NF1: variants seen among roughly 807,000 people sequenced by gnomAD.
NF1 encodes neurofibromin.
In NF1, 122 loss-of-function variants were observed where a neutral mutation model predicts 325.7. That is an observed-to-expected ratio of 0.37 (90% CI 0.32 to 0.44). The LOEUF (loss-of-function observed/expected upper bound fraction) is 0.44, where lower values mean the gene tolerates loss of function less well. Ranked by LOEUF, NF1 falls within the 20% of genes least tolerant of loss-of-function variation. The pLI, the probability that NF1 is intolerant of heterozygous loss-of-function variation, is 1.00. For missense variants in NF1, 2,140 were observed against 3,415.4 expected, an observed-to-expected ratio of 0.63 and a Z score of 9.31; for synonymous variants, 1,091 against 1,186.0, an observed-to-expected ratio of 0.92 and a Z score of 1.65.
intron 34 of NF1, among the ~76,000 whole-genome samples, 176 bp from the exon 35 acceptor site, chr17:31,261,535 T>A (rs1047178653): frequency 2.6e-5 from 4 of 152,202 alleles, no homozygotes; most frequent in African/African-American, 4.8e-5. Context: ...TGACAGGGCA[T>A]TTTAATCTTT....
chr17:31,338,704 G>A lies in NF1; in HGVS notation c.6820G>A (p.Ala2274Thr), dbSNP rs1555535023. ...ATAAAAAATTCTGTTTTCCTAAAAG[G>A]CACTTGAGAGTTGCTTAAAAGGACC... is the stretch of plus-strand genomic sequence containing the variant. The part of the protein sequence containing the change: ...IKQIIRILSK[A>T]LESCLKGPDT... The change falls in exon 46 of 58, where the codon GCA (alanine) becomes ACA (threonine). Residue 2274 changes from alanine (A) to threonine (T), a missense_variant and splice_region_variant. Physicochemically the swap from Ala to Thr is moderately conservative, Grantham distance 58 (BLOSUM62 0). Transcript: ENST00000358273. 6.2e-7 allele frequency: 1 copy of A among 1,608,744 alleles called. No homozygotes were observed. Among genetic ancestry groups the A allele is most frequent in the South Asian group, 1.1e-5 (1 of 90,926 alleles).
chr17:31,178,839 A>G (rs2066072812), intron 5 of NF1, among the ~76,000 whole-genome samples: 1 of 152,218 alleles, frequency 6.6e-6, no homozygotes, highest in Non-Finnish European at 1.5e-5. Flanking sequence ...TATGCACCCA[A>G]TACAGGAACA....
At chr17:31,127,137 C>A (rs1199591779) in intron 1 of NF1, among the ~76,000 whole-genome samples, 2 of 150,224 alleles carry the variant, frequency 1.3e-5, no homozygotes, top group African/African-American at 5.0e-5. Context: ...ACTCTCAGTT[C>A]GGCTCTCTCC....
chr17:31,192,149 C>T (rs2066354902), intron 8 of NF1, among the ~76,000 whole-genome samples: 2 of 152,058 alleles, frequency 1.3e-5, no homozygotes, highest in South Asian at 4.1e-4. Context: ...ATATTTTGCT[C>T]ATCTTTTGAG....
At chr17:31,305,281 G>A in intron 36 of NF1, 1 of 1,614,132 alleles carries the variant, frequency 6.2e-7, no homozygotes, top group East Asian at 2.2e-5. Flanking sequence ...GGCTATTGGT[G>A]TTGGTTGTTT....
chr17:31,164,806 AAATT>A (rs1254013821), intron 4 of NF1, among the ~76,000 whole-genome samples: 1 of 152,228 alleles, frequency 6.6e-6, no homozygotes. Flanking sequence ...GATCCAAAGA[AAATT>A]AAAGTTTTAT....
chr17:31,195,796 T>C (rs936099459), intron 8 of NF1, among the ~76,000 whole-genome samples: 20 of 152,180 alleles, frequency 1.3e-4, no homozygotes, highest in Admixed American at 5.2e-4. Context: ...TATTCCATTG[T>C]ATATATATAC....
intron 36 of NF1, chr17:31,272,039 G>A (rs183283541): frequency 5.3e-5 from 8 of 152,076 alleles, no homozygotes; most frequent in African/African-American, 1.9e-4. Context: ...ATTTAATAAG[G>A]TAGTGCATAC....
chr17:31,326,208 A>G lies in NF1; in HGVS notation c.5224A>G (p.Asn1742Asp), dbSNP rs2069337415. 2 of 1,612,726 alleles carry G rather than the reference A, an allele frequency of 1.2e-6. No individual in the cohort carries two copies. Among genetic ancestry groups the G allele is most frequent in the Non-Finnish European group, 1.7e-6 (2 of 1,179,982 alleles). Residue 1742 changes from asparagine to aspartate, a missense_variant, in exon 37 of 58, where the codon AAT (asparagine) becomes GAT (aspartate). This residue lies in a region of NF1 where 147 missense variants were observed against 186.7 expected (regional missense o/e 0.79). Coordinates refer to ENST00000358273, the MANE Select transcript of NF1 (RefSeq NM_001042492.3). ...AGAAGAGGACCTGAAGGTATTCCAC[A>G]ATGCTCTCAAGCTAGCTCACAAAGA... The part of the protein sequence containing the change: ...ALEEDLKVFH[N>D]ALKLAHKDTK...
chr17:31,227,260 G>A lies in NF1; in HGVS notation c.2294G>A (p.Arg765His), dbSNP rs199474777. The change falls in exon 19 of 58, where the codon CGC becomes CAC. Residue 765 changes from arginine (R) to histidine (H), a missense_variant. Physicochemically the swap from Arg to His is conservative, Grantham distance 29. Around this residue, in one of 10 missense-constraint regions of NF1, gnomAD observed 380 missense variants for 639.3 expected, o/e 0.59. Coordinates refer to ENST00000358273, the MANE Select transcript of NF1 (RefSeq NM_001042492.3). ...LQKRVMALLR[R>H]IEHPTAGNTE... The stretch of plus-strand genomic sequence containing the variant: ...AAAAGAGTGATGGCACTGCTGAGGC[G>A]CATTGAGCATCCCACTGCAGGAAAC... 27 of 1,613,622 alleles carry A rather than the reference G, an allele frequency of 1.7e-5. No individual in the cohort carries two copies. The East Asian group carries it at 2.0e-4, about 12-fold the overall frequency.
intron 8 of NF1, among the ~76,000 whole-genome samples, chr17:31,199,362 C>T (rs1299626918): frequency 6.6e-6 from 1 of 152,100 alleles, no homozygotes; most frequent in Admixed American, 6.5e-5. Context: ...CACAAATTTT[C>T]ACATATTTGT....
At chr17:31,115,825 A>G (rs111948159) in intron 1 of NF1, among the ~76,000 whole-genome samples, 138 of 152,326 alleles carry the variant, frequency 9.1e-4, no homozygotes, top group African/African-American at 3.3e-3. Context: ...GCATATTCAT[A>G]TTCAGAATAT....
At chr17:31,238,328 C>G (rs1376495300) in intron 29 of NF1, among the ~76,000 whole-genome samples, 2 of 152,102 alleles carry the variant, frequency 1.3e-5, no homozygotes, top group African/African-American at 2.4e-5. Flanking sequence ...GTTCTGTTAT[C>G]CCTAGCAAAG....
intron 8 of NF1, among the ~76,000 whole-genome samples, chr17:31,189,589 AT>A (rs2066304037): frequency 6.6e-6 from 1 of 151,946 alleles, no homozygotes; most frequent in Admixed American, 6.6e-5. Context: ...TTGTCTATAG[AT>A]TTACTTAATT....
chr17:31,153,589 T>C (rs1917097824), intron 1 of NF1, among the ~76,000 whole-genome samples: 2 of 152,196 alleles, frequency 1.3e-5, no homozygotes, highest in Non-Finnish European at 2.9e-5. Context: ...TCCACCTGCT[T>C]TCTCTTGCAT....
chr17:31,216,840 C>T (rs1346309737), intron 13 of NF1, among the ~76,000 whole-genome samples: 2 of 152,046 alleles, frequency 1.3e-5, no homozygotes, highest in Non-Finnish European at 2.9e-5. Flanking sequence ...AACCACATGC[C>T]TTCATACCTC....
chr17:31,200,475 G>A lies in NF1; in HGVS notation c.942G>A (p.Arg314=), dbSNP rs786203445. The change falls in exon 9 of 58, where the codon AGG becomes AGA. Residue 314 remains arginine (R), a synonymous_variant. Coordinates refer to ENST00000358273, the MANE Select transcript of NF1 (RefSeq NM_001042492.3). ...RKALAGHGGS[R]QLTESAAIAC... ...CTCTTGCTGGCCATGGAGGAAGTAG[G>A]CAGCTGACAGAAAGTGCTGCAATTG... 2 of 1,614,102 alleles carry A rather than the reference G, an allele frequency of 1.2e-6. No homozygotes were observed. The highest frequency in any genetic ancestry group is 1.7e-6 in the Non-Finnish European group (2 of 1,180,008).
intron 36 of NF1, among the ~76,000 whole-genome samples, chr17:31,324,506 T>G (rs2069293208): frequency 6.6e-6 from 1 of 152,254 alleles, no homozygotes; most frequent in Non-Finnish European, 1.5e-5. Flanking sequence ...ACTAGTCACC[T>G]TACTATGAAT....
At chr17:31,319,057 GAAAGA>G (rs1409249524) in intron 36 of NF1, 1 of 1,541,802 alleles carries the variant, frequency 6.5e-7, no homozygotes, top group African/African-American at 1.4e-5. Context: ...GTTAGTTTGT[GAAAGA>G]ATAATGGATC....
Sources: gnomAD v4.1 joint callset for allele counts (sites outside exome capture counted in the v4.1 genomes callset) on GRCh38, gnomAD v4.1.1 for gene constraint, gnomAD v4.1.1 regional missense constraint, MANE v1.5 for transcripts, NCBI Gene and HGNC (gene_info 2026-07-23, HGNC 2026-07-21) for gene names.